Variants in GIGYF2 observed in about 807,000 individuals in gnomAD.
GIGYF2 encodes the protein GRB10 interacting GYF protein 2, also known as GRB10-interacting GYF protein 2.
A neutral mutation model predicts 208.1 loss-of-function variants in GIGYF2; 25 were observed. The ratio of observed to expected loss-of-function variants is 0.12; its 90% confidence interval spans 0.09 to 0.17. The LOEUF is 0.17. Among genes scored for constraint, GIGYF2 ranks in the 10% least tolerant of loss-of-function variants. GIGYF2 has a pLI of 1.00. For synonymous variants in GIGYF2, 534 were observed against 543.8 expected, an observed-to-expected ratio of 0.98 and a Z score of 0.25; for missense variants, 1,302 against 1,579.4, an observed-to-expected ratio of 0.82 and a Z score of 2.98.
intron 3 of GIGYF2, among the ~76,000 whole-genome samples, 160 bp from the exon 4 acceptor site, chr2:232,747,455 T>A (rs990275524): frequency 2.0e-5 from 3 of 152,218 alleles, no homozygotes; most frequent in Admixed American, 1.3e-4. Flanking sequence ...TAGCGTGCCA[T>A]GACAAAAGAT....
intron 27 of GIGYF2, among the ~76,000 whole-genome samples, chr2:232,848,132 G>A (rs1574952567): frequency 6.6e-6 from 1 of 152,180 alleles, no homozygotes; most frequent in Non-Finnish European, 1.5e-5. Context: ...TTTCTCACCA[G>A]ATCAGTACAT....
chr2:232,836,263 CATATATATATATATATATATATATATATA>C (rs1559160100), intron 22 of GIGYF2, among the ~76,000 whole-genome samples: 569 of 38,622 alleles, frequency 0.015, 54 homozygotes, highest in African/African-American at 0.054. Flanking sequence ...CCCATCTCTA[CATATATATATATATATATATATATATATA>C]TATATATATA....
intron 22 of GIGYF2, among the ~76,000 whole-genome samples, chr2:232,837,973 G>T (rs963210531): frequency 2.0e-4 from 31 of 152,150 alleles, no homozygotes; most frequent in African/African-American, 7.2e-4. Flanking sequence ...GTCCCTATTT[G>T]CTTTTGATTT....
chr2:232,772,688 G>A (rs2106341883), intron 8 of GIGYF2, among the ~76,000 whole-genome samples: 1 of 152,282 alleles, frequency 6.6e-6, no homozygotes, highest in South Asian at 2.1e-4. Flanking sequence ...TCCCTTGAGT[G>A]AGCCTCTCTT....
At chr2:232,836,263 CATATATATATATATATATATATATATA>C (rs1701588710) in intron 22 of GIGYF2, among the ~76,000 whole-genome samples, 5 of 38,634 alleles carry the variant, frequency 1.3e-4, no homozygotes, top group African/African-American at 5.1e-4. Flanking sequence ...CCCATCTCTA[CATATATATATATATATATATATATATA>C]TATATATATA....
At chr2:232,796,296 T>A in intron 14 of GIGYF2, 75 bp downstream of exon 14, 1 of 961,998 alleles carries the variant, frequency 1.0e-6, no homozygotes, top group Non-Finnish European at 1.7e-6. Flanking sequence ...GGGATTTGTT[T>A]AATTTAAATT....
intron 2 of GIGYF2, among the ~76,000 whole-genome samples, chr2:232,704,855 G>GTTTTT (rs1559370305): frequency 3.8e-5 from 3 of 79,506 alleles, no homozygotes; most frequent in African/African-American, 1.6e-4. Flanking sequence ...TTAACTTCTG[G>GTTTTT]ATTTTTTTTT....
At chr2:232,766,973 CTT>C (rs1024267411) in intron 8 of GIGYF2, 3 of 151,874 alleles carry the variant, frequency 2.0e-5, no homozygotes, top group African/African-American at 7.2e-5. Flanking sequence ...GACAGTTTCT[CTT>C]TTTTTTATTG....
intron 26 of GIGYF2, 93 bp from the exon 27 acceptor site, chr2:232,847,255 G>A: frequency 8.3e-7 from 1 of 1,200,402 alleles, no homozygotes; most frequent in East Asian, 2.3e-5. Flanking sequence ...GTTTGATTAG[G>A]TATAAAGATA....
intron 7 of GIGYF2, 175 bp downstream of exon 7, chr2:232,760,766 G>T: frequency 1.7e-6 from 1 of 575,000 alleles, no homozygotes. Flanking sequence ...TTATTTAAAG[G>T]AAGACGGATT....
At chr2:232,752,135 A>T (rs1698357439) in intron 5 of GIGYF2, among the ~76,000 whole-genome samples, 1 of 152,210 alleles carries the variant, frequency 6.6e-6, no homozygotes, top group Non-Finnish European at 1.5e-5. Context: ...CCTGATGCAT[A>T]TTTGGTAGCC....
chr2:232,850,817 A>C (rs1690283383), intron 28 of GIGYF2, among the ~76,000 whole-genome samples: 1 of 152,236 alleles, frequency 6.6e-6, no homozygotes, highest in Non-Finnish European at 1.5e-5. Flanking sequence ...GAAGAGAACC[A>C]GTATATGTTC....
At chr2:232,732,425 G>A (rs1697541487) in intron 2 of GIGYF2, among the ~76,000 whole-genome samples, 1 of 151,754 alleles carries the variant, frequency 6.6e-6, no homozygotes, top group African/African-American at 2.4e-5. Context: ...CTTCTTTTCT[G>A]TTATACAATA....
intron 3 of GIGYF2, among the ~76,000 whole-genome samples, chr2:232,742,902 G>A (rs1041048801): frequency 6.6e-6 from 1 of 152,126 alleles, no homozygotes; most frequent in African/African-American, 2.4e-5. Flanking sequence ...GAACCTGATG[G>A]GCTTTACATG....
chr2:232,841,358 C>G (rs1485883986), intron 23 of GIGYF2, among the ~76,000 whole-genome samples: 1 of 151,876 alleles, frequency 6.6e-6, no homozygotes, highest in Non-Finnish European at 1.5e-5. Flanking sequence ...TGCAGTGGCG[C>G]GATCTCGGCT....
rs971182322 is a variant in GIGYF2, at chr2:232,750,048, G to A, written c.267+966G>A. Reference sequence around the variant, plus strand: ...AAAAATAAAAAAATTAGCCGAGCATGGTGACACACGGTTGTAATCCCAGCT... The same window carrying A: ...AAAAATAAAAAAATTAGCCGAGCATAGTGACACACGGTTGTAATCCCAGCT... On this transcript the variant is annotated intron_variant, in intron 5 of 28. Coordinates refer to ENST00000373563, the MANE Select transcript of GIGYF2 (RefSeq NM_001103146.3). Among the ~76,000 whole-genome samples the A allele has an allele frequency of 7.2e-5, 11 of 152,172 alleles. No individual in the cohort carries two copies. In the East Asian group the frequency reaches 2.1e-3, roughly 29 times the overall value.
intron 15 of GIGYF2, among the ~76,000 whole-genome samples, chr2:232,807,744 T>C (rs996545140): frequency 2.0e-5 from 3 of 152,182 alleles, no homozygotes; most frequent in Non-Finnish European, 2.9e-5. Context: ...AACCTTTTTT[T>C]TTCTTTTTAA....
intron 22 of GIGYF2, among the ~76,000 whole-genome samples, chr2:232,839,106 G>A (rs1701739057): frequency 6.6e-6 from 1 of 151,982 alleles, no homozygotes; most frequent in Non-Finnish European, 1.5e-5. Flanking sequence ...GTCTGGTTAG[G>A]TTTCTTTTTT....
chr2:232,802,866 G>A (rs1337792285), intron 14 of GIGYF2, among the ~76,000 whole-genome samples: 1 of 151,382 alleles, frequency 6.6e-6, no homozygotes, highest in Non-Finnish European at 1.5e-5. Flanking sequence ...CACCAGAGAA[G>A]CCATCAGGGC....
Sources: gnomAD v4.1 joint callset for allele counts (sites outside exome capture counted in the v4.1 genomes callset) on GRCh38, gnomAD v4.1.1 for gene constraint, MANE v1.5 for transcripts, NCBI Gene and HGNC (gene_info 2026-07-23, HGNC 2026-07-21) for gene names.